Variants in NBEAL1 observed in about 807,000 individuals in gnomAD.
NBEAL1 encodes the protein neurobeachin like 1.
Under a neutral mutation model 351.3 loss-of-function variants are expected in NBEAL1, and 273 were observed. The ratio of observed to expected loss-of-function variants is 0.78; its 90% CI spans 0.70 to 0.86. NBEAL1 has a LOEUF of 0.86. NBEAL1 is among the 40% of genes least tolerant of loss of function. The pLI is 0.00. For missense variants in NBEAL1, 2,961 were observed against 3,201.3 expected (o/e 0.92, Z 1.81); for synonymous variants, 1,050 against 1,086.4 (o/e 0.97, Z 0.66).
chr2:203,181,584 T>C (rs1455463784), intron 43 of NBEAL1: 1 of 152,184 alleles, frequency 6.6e-6, no homozygotes, highest in African/African-American at 2.4e-5. Context: ...ATTGGTGTTC[T>C]TTAGGGAGGT....
At chr2:203,215,238 C>A (rs2065877363) in intron 55 of NBEAL1, among the ~76,000 whole-genome samples, 1 of 152,172 alleles carries the variant, frequency 6.6e-6, no homozygotes, top group African/African-American at 2.4e-5. Flanking sequence ...GCAGTGCTCA[C>A]ACCTGTAGTC....
rs764487150 is a variant in NBEAL1 at position 203,209,263 on chromosome 2, A to G, written c.7726A>G (p.Ile2576Val). 14 of 1,613,820 alleles carry G rather than the reference A, an allele frequency of 8.7e-6. No individual in the cohort carries two copies. The African/African-American group carries it at 1.3e-4, about 15-fold the overall frequency. The change falls in exon 53 of 56, where the codon ATA (isoleucine) becomes GTA (valine). Residue 2576 changes from isoleucine to valine, a missense_variant. Transcript: ENST00000683969. ...SLFLTIPNLA[I>V]SWEGHIVVYS... is the part of the protein sequence containing the mutation. ...GTTCCTGACCATTCCTAATTTGGCT[A>G]TATCTTGGGAAGGACATATTGTTGT...
chr2:203,052,776 G>A (rs759486895), intron 4 of NBEAL1, among the ~76,000 whole-genome samples: 1 of 139,714 alleles, frequency 7.2e-6, no homozygotes, highest in Non-Finnish European at 1.6e-5. Context: ...TGTAGAGAAG[G>A]GGTTTCGCCA....
chr2:203,127,745 A>G lies in NBEAL1; in HGVS notation c.3249-36A>G, dbSNP rs1380425839. 2.0e-5 allele frequency: 27 copies of G among 1,381,620 alleles called. No individual in the cohort carries two copies. The East Asian group carries it at 6.9e-4, about 35-fold the overall frequency. 85.6% of individuals were successfully genotyped at this position (1,381,620 alleles called of 1,614,324 possible). On this transcript the variant is annotated intron_variant, in intron 23 of 55. Transcript: ENST00000683969. ...TCAGAAAAAAGGAAATGTAAAAATT[A>G]AAATTTCAATTCTTATACTTTGTTT... is the stretch of plus-strand genomic sequence containing the variant.
rs534346537 is a variant in NBEAL1, at chr2:203,221,864, T to C, written c.*4510T>C. The stretch of plus-strand genomic sequence containing the variant: ...GTTATCAGTCATCATTTTAATATGA[T>C]TTAAAATGTGGACCACAGCCTGCCT... On this transcript the variant is annotated 3_prime_UTR_variant, in exon 56 of 56. Coordinates refer to ENST00000683969, the MANE Select transcript of NBEAL1 (RefSeq NM_001378026.1). Among the ~76,000 whole-genome samples the C allele has an allele frequency of 4.5e-4, 68 of 152,312 alleles. No homozygotes were observed. The highest frequency in any genetic ancestry group is 1.4e-3 in the Admixed American group (22 of 15,298).
At chr2:203,189,560 A>G (rs1464975623) in intron 45 of NBEAL1, among the ~76,000 whole-genome samples, 1 of 151,448 alleles carries the variant, frequency 6.6e-6, no homozygotes, top group East Asian at 2.0e-4. Context: ...TAATTTTTAA[A>G]ATTTTTTAGA....
intron 52 of NBEAL1, among the ~76,000 whole-genome samples, 160 bp from the exon 53 acceptor site, chr2:203,209,001 T>A (rs2065692801): frequency 6.6e-6 from 1 of 152,184 alleles, no homozygotes; most frequent in Non-Finnish European, 1.5e-5. Flanking sequence ...TATTTGAAAT[T>A]TCGAAGTTGG....
Position 203,112,999 on chromosome 2 carries a change from G to T in NBEAL1, c.2203-16G>T. On this transcript the variant is annotated splice_polypyrimidine_tract_variant and intron_variant, in intron 16 of 55. Transcript: ENST00000683969. ...TATGTTAATTAAAATTGTGTAATTTGTTTGTTTGTTTTTAGCCCTTTACTT... is the reference window on the plus strand; with the variant it reads ...TATGTTAATTAAAATTGTGTAATTTTTTTGTTTGTTTTTAGCCCTTTACTT... 7.0e-7 allele frequency: 1 copy of T among 1,422,256 alleles called. No individual in the cohort carries two copies. The highest frequency in any genetic ancestry group is 9.2e-7 in the Non-Finnish European group (1 of 1,083,416). 88.1% of individuals were successfully genotyped at this position (1,422,256 alleles called of 1,614,324 possible).
chr2:203,145,633 A>G (rs2063491747), intron 33 of NBEAL1, among the ~76,000 whole-genome samples: 1 of 151,964 alleles, frequency 6.6e-6, no homozygotes, highest in South Asian at 2.1e-4. Context: ...CCCCACCTCT[A>G]CTGAAAATAC....
In NBEAL1 at chr2:203,218,334, ATGT is replaced by A. The variant is rs758853841; in HGVS notation, c.*984_*986del. The A allele has an allele frequency of 3.3e-5, 5 of 152,166 alleles. No homozygotes were observed. Among genetic ancestry groups the A allele is most frequent in the Non-Finnish European group, 5.9e-5 (4 of 68,000 alleles). The allele number at this position is 152,166 out of a possible 1,614,324, so 9.4% of individuals were successfully genotyped here. A position where few individuals can be genotyped will look rare whatever the true frequency, so the allele number is the denominator to read the frequency against. ...AGCTAATTTTATTATATAGTGTTAA[ATGT>A]TGTGGTTGATTATTAAGATCTTAAA... On this transcript the variant is annotated 3_prime_UTR_variant, in exon 56 of 56. Coordinates refer to ENST00000683969, the MANE Select transcript of NBEAL1 (RefSeq NM_001378026.1).
intron 7 of NBEAL1, among the ~76,000 whole-genome samples, chr2:203,070,710 G>T (rs2106132729): frequency 6.6e-6 from 1 of 152,296 alleles, no homozygotes; most frequent in Middle Eastern, 3.4e-3. Flanking sequence ...AGGACCAAGA[G>T]TGAGAAAGCT....
intron 46 of NBEAL1, chr2:203,190,697 G>C: frequency 6.5e-7 from 1 of 1,544,024 alleles, no homozygotes. Flanking sequence ...AATTGCTCTC[G>C]GCTTTCGGCT....
chr2:203,181,723 A>C (rs529272255), intron 43 of NBEAL1: 2 of 152,160 alleles, frequency 1.3e-5, no homozygotes, highest in African/African-American at 4.8e-5. Context: ...GCTTAATGTC[A>C]CTTTGACCAT....
intron 3 of NBEAL1, among the ~76,000 whole-genome samples, chr2:203,046,297 C>T (rs2106059571): frequency 6.6e-6 from 1 of 152,022 alleles, no homozygotes; most frequent in Non-Finnish European, 1.5e-5. Flanking sequence ...CTCACTGCAA[C>T]CTCTGCCTCC....
intron 12 of NBEAL1, among the ~76,000 whole-genome samples, chr2:203,101,982 C>A (rs1279526650): frequency 6.6e-6 from 1 of 152,192 alleles, no homozygotes; most frequent in Non-Finnish European, 1.5e-5. Context: ...TCTCGGATTT[C>A]TTTCAGCAGT....
At chr2:203,184,417 C>G (rs141284516) in intron 44 of NBEAL1, among the ~76,000 whole-genome samples, 1 of 151,944 alleles carries the variant, frequency 6.6e-6, no homozygotes. Context: ...GGAGACAGAG[C>G]GAGAAGCCAT....
At chr2:203,138,469 A>C (rs1216290308) in intron 30 of NBEAL1, 151 bp from the exon 31 acceptor site, 10 of 1,001,566 alleles carry the variant, frequency 1.0e-5, no homozygotes, top group Non-Finnish European at 1.3e-5. Flanking sequence ...TTTGTTAGCT[A>C]TTACTAGGAT....
At chr2:203,120,619 G>A (rs964779733) in intron 18 of NBEAL1, among the ~76,000 whole-genome samples, 1 of 152,174 alleles carries the variant, frequency 6.6e-6, no homozygotes, top group Non-Finnish European at 1.5e-5. Context: ...AGACTAGAGA[G>A]CAAGGTCACA....
Position 203,197,407 on chromosome 2 carries a change from C to A in NBEAL1, c.7128+16C>A, listed in dbSNP as rs752323067. 2 of 1,473,544 alleles carry A rather than the reference C, an allele frequency of 1.4e-6. No individual in the cohort carries two copies. The highest frequency in any genetic ancestry group is 2.3e-5 in the East Asian group (1 of 44,130). 91.3% of individuals were successfully genotyped at this position (1,473,544 alleles called of 1,614,324 possible). On this transcript the variant is annotated intron_variant, in intron 48 of 55. Transcript: ENST00000683969. ...TGAGTTACTGGTAAGTTGATTTTTACCTTTTTCACACTGCTATGCCTATAT... is the reference window on the plus strand; with the variant it reads ...TGAGTTACTGGTAAGTTGATTTTTAACTTTTTCACACTGCTATGCCTATAT...
Sources: gnomAD v4.1 joint callset for allele counts (sites outside exome capture counted in the v4.1 genomes callset) on GRCh38, gnomAD v4.1.1 for gene constraint, MANE v1.5 for transcripts, NCBI Gene and HGNC (gene_info 2026-07-23, HGNC 2026-07-21) for gene names.